PEX11G: variants seen among roughly 807,000 people sequenced by gnomAD.
PEX11G encodes the protein peroxisomal biogenesis factor 11 gamma, also known as peroxisomal membrane protein 11C.
A neutral mutation model predicts 22.5 loss-of-function variants in PEX11G; 20 were observed. The ratio of observed to expected loss-of-function variants is 0.89; its 90% confidence interval spans 0.62 to 1.29. The LOEUF (loss-of-function observed/expected upper bound fraction) is 1.29. Ranked by LOEUF, PEX11G falls within the 50% of genes most tolerant of loss-of-function variation. The probability of loss-of-function intolerance (pLI) is 0.00; values close to 1 mark genes in which losing one functional copy is unlikely to be tolerated. For missense variants in PEX11G, 347 were observed against 331.3 expected, an observed-to-expected ratio of 1.05 and a Z score of -0.37; for synonymous variants, 141 against 154.5, an observed-to-expected ratio of 0.91 and a Z score of 0.65.
rs558783803 is a variant in PEX11G, at chr19:7,486,856, C to G, written c.61-830G>C. On this transcript the variant is annotated intron_variant, in intron 1 of 4. Coordinates refer to ENST00000221480, the MANE Select transcript of PEX11G (RefSeq NM_080662.4). ...CCTCATGATCCACCCGCCTCGGCCT[C>G]CCAAAGTGCTGGGATTACAGGCGTA... is the stretch of plus-strand genomic sequence containing the variant. 2.0e-3 allele frequency among the ~76,000 whole-genome samples: 302 copies of G among 152,228 alleles called. 1 individual carries two copies. The highest frequency in any genetic ancestry group is 6.8e-3 in the African/African-American group (281 of 41,530).
intron 1 of PEX11G, among the ~76,000 whole-genome samples, chr19:7,487,822 A>C (rs2021730475): frequency 6.6e-6 from 1 of 152,184 alleles, no homozygotes; most frequent in Non-Finnish European, 1.5e-5. Flanking sequence ...TATAATGGCA[A>C]AACACTGCAA....
intron 1 of PEX11G, among the ~76,000 whole-genome samples, chr19:7,494,892 G>T (rs1351049481): frequency 1.3e-5 from 2 of 152,150 alleles, no homozygotes; most frequent in African/African-American, 2.4e-5. Context: ...AGAGTAACTG[G>T]ACCTCCTCTG....
At chr19:7,494,645 C>T (rs983106580) in intron 1 of PEX11G, among the ~76,000 whole-genome samples, 5 of 152,156 alleles carry the variant, frequency 3.3e-5, no homozygotes, top group East Asian at 1.9e-4. Context: ...GGTCTGAGCT[C>T]GACCTTTGAA....
upstream of PEX11G, among the ~76,000 whole-genome samples, chr19:7,494,017 C>T (rs112095639): frequency 0.031 from 4,732 of 151,888 alleles, 152 homozygotes; most frequent in East Asian, 0.16. Context: ...AGTGATTCTC[C>T]TGCCTCAGCC....
rs1040747670 is a variant in PEX11G at position 7,480,145 on chromosome 19, G to A, written c.429-1769C>T. Reference sequence around the variant, plus strand: ...TTAGCCAGATATGGTGGCACAGCCTGTGGTCCCAGCCACTCAGAAGGCTGA... The same window carrying A: ...TTAGCCAGATATGGTGGCACAGCCTATGGTCCCAGCCACTCAGAAGGCTGA... On this transcript the variant is annotated intron_variant, in intron 3 of 4. Transcript: ENST00000221480. 2.0e-5 allele frequency among the ~76,000 whole-genome samples: 3 copies of A among 151,972 alleles called. No homozygotes were observed. In the East Asian group the frequency reaches 5.8e-4, roughly 29 times the overall value.
In PEX11G at chr19:7,483,106, ACCCCGCCCCATCGGAG is replaced by A. The variant is rs538599832; in HGVS notation, c.250-911_250-896del. Among the ~76,000 whole-genome samples the A allele has an allele frequency of 5.5e-3, 428 of 77,870 alleles. 4 individuals are homozygous for A. The highest frequency in any genetic ancestry group is 0.02 in the African/African-American group (396 of 20,002). 51.1% of individuals were successfully genotyped at this position (77,870 alleles called of 152,430 possible). ...CCCCCTTGGGACCCCGCCCACCGTG[ACCCCGCCCCATCGGAG>A]CCCCGCCCCCTCTACCTTTATCCTC... On this transcript the variant is annotated intron_variant, in intron 2 of 4. Transcript: ENST00000221480.
intron 1 of PEX11G, 135 bp from the exon 2 acceptor site, chr19:7,486,161 C>G: frequency 1.3e-6 from 1 of 775,602 alleles, no homozygotes; most frequent in Non-Finnish European, 2.0e-6. Flanking sequence ...GAGTCTCACT[C>G]TGTCATCCAG....
At chr19:7,485,022 T>C (rs2145971297) in intron 2 of PEX11G, among the ~76,000 whole-genome samples, 1 of 152,242 alleles carries the variant, frequency 6.6e-6, no homozygotes, top group South Asian at 2.1e-4. Flanking sequence ...ACGCCCATGG[T>C]GGCTCACGCC....
intron 1 of PEX11G, among the ~76,000 whole-genome samples, chr19:7,486,599 C>CA (rs148138871): frequency 6.0e-5 from 9 of 149,868 alleles, no homozygotes; most frequent in African/African-American, 1.7e-4. Context: ...CTGTGTCTAC[C>CA]AAAAAAATTT....
intron 3 of PEX11G, among the ~76,000 whole-genome samples, chr19:7,481,211 C>CT (rs200173970): frequency 0.018 from 2,688 of 151,960 alleles, 83 homozygotes; most frequent in African/African-American, 0.061. Flanking sequence ...AGGATTTTTT[C>CT]TTTTTTTGAC....
At chr19:7,482,316 C>T in intron 2 of PEX11G, 105 bp from the exon 3 acceptor site, 1 of 1,320,940 alleles carries the variant, frequency 7.6e-7, no homozygotes, top group African/African-American at 1.5e-5. Flanking sequence ...GACCCCAGTC[C>T]CTGGGCCGTG....
intron 2 of PEX11G, among the ~76,000 whole-genome samples, chr19:7,483,079 AC>A (rs35893969): frequency 5.7e-4 from 21 of 36,948 alleles, no homozygotes; most frequent in South Asian, 1.1e-3. Flanking sequence ...TTGGGACCCC[AC>A]CCCCCTTGGG....
At chr19:7,478,425 G>T in intron 3 of PEX11G, 49 bp from the exon 4 acceptor site, 1 of 1,565,132 alleles carries the variant, frequency 6.4e-7, no homozygotes, top group Non-Finnish European at 8.7e-7. Context: ...GAGCAGGAGG[G>T]TTAGCTCCAC....
upstream of PEX11G, among the ~76,000 whole-genome samples, chr19:7,491,403 G>A (rs889260871): frequency 6.6e-6 from 1 of 151,388 alleles, no homozygotes; most frequent in Non-Finnish European, 1.5e-5. Flanking sequence ...CCAAGTGGCT[G>A]AGAGTACAGG....
In PEX11G at chr19:7,485,909, T is replaced by C. The variant is rs1175296024; in HGVS notation, c.178A>G (p.Arg60Gly). Residue 60 changes from arginine (R) to glycine (G), a missense_variant, in exon 2 of 5, where the codon AGG becomes GGG. Coordinates refer to ENST00000221480, the MANE Select transcript of PEX11G (RefSeq NM_080662.4). The part of the protein sequence containing the change: ...LVVSTQLSHC[R>G]TILRLFDDLA... ...TCATCAAAGAGTCGCAAGATGGTCC[T>C]GCAGTGGCTGAGTTGGGTGGACACC... 3 of 1,613,878 alleles carry C rather than the reference T, an allele frequency of 1.9e-6. No individual in the cohort carries two copies. In the Admixed American group the frequency reaches 5.0e-5, roughly 27 times the overall value.
intron 2 of PEX11G, among the ~76,000 whole-genome samples, chr19:7,485,239 C>T (rs1439000195): frequency 6.6e-6 from 1 of 152,176 alleles, no homozygotes; most frequent in Non-Finnish European, 1.5e-5. Flanking sequence ...GCACAATTCT[C>T]GGCTCATGGC....
intron 2 of PEX11G, among the ~76,000 whole-genome samples, chr19:7,485,449 G>C (rs537133135): frequency 3.3e-5 from 5 of 152,018 alleles, no homozygotes; most frequent in African/African-American, 1.2e-4. Context: ...TCCACCTCCC[G>C]GGTTCAGGCC....
upstream of PEX11G, among the ~76,000 whole-genome samples, chr19:7,489,851 CTTT>C (rs55711330): frequency 6.3e-5 from 9 of 143,858 alleles, no homozygotes; most frequent in Admixed American, 2.1e-4. Flanking sequence ...CTGGAGACGT[CTTT>C]TTTTTTTTTT....
chr19:7,477,083 C>G lies in PEX11G; in HGVS notation c.*119G>C. On this transcript the variant is annotated 3_prime_UTR_variant, in exon 5 of 5. Transcript: ENST00000221480. ...CGCATCAGTCCCTCCACCCACCCTG[C>G]CCATGGGTTTCACCACAGGCAGCTC... is the stretch of plus-strand genomic sequence containing the variant. 1.0e-6 allele frequency: 1 copy of G among 972,982 alleles called. No homozygotes were observed. Among genetic ancestry groups the G allele is most frequent in the African/African-American group, 1.7e-5 (1 of 58,304 alleles). The allele number at this position is 972,982 out of a possible 1,614,324, so 60.3% of individuals were successfully genotyped here.
Sources: allele counts gnomAD v4.1 joint callset (sites outside exome capture counted in the v4.1 genomes callset), GRCh38; gene constraint gnomAD v4.1.1; transcripts MANE v1.5; gene names NCBI Gene and HGNC (gene_info 2026-07-23, HGNC 2026-07-21).